The following ITPR1 variants were observed in gnomAD, a reference collection of about 807,000 sequenced individuals.
ITPR1 encodes inositol 1,4,5-trisphosphate-gated calcium channel ITPR1.
A neutral mutation model predicts 318.4 loss-of-function variants in ITPR1; 96 were observed. That is an observed-to-expected ratio of 0.30 (90% CI 0.26 to 0.36). The LOEUF is 0.36. Among genes scored for constraint, ITPR1 ranks in the 10% least tolerant of loss-of-function variants. ITPR1 has a pLI of 1.00. For missense variants in ITPR1, 2,440 were observed against 3,460.2 expected (o/e 0.71, Z 7.40); for synonymous variants, 1,312 against 1,289.9 (o/e 1.02, Z -0.37).
In ITPR1 at chr3:4,824,273, C is replaced by T. The variant is rs180725326; in HGVS notation, c.8028+6031C>T. On this transcript the variant is annotated intron_variant, in intron 60 of 61. Transcript: ENST00000649015. ...GAATAGCTCGTGTGTAATCAGTGTG[C>T]GGAAAATAAACACTGTATGTGCATG... Among the ~76,000 whole-genome samples the T allele has an allele frequency of 1.3e-3, 198 of 152,208 alleles. 5 individuals carry two copies. The South Asian group carries it at 0.037, about 29-fold the overall frequency.
At chr3:4,802,432 G>C (rs1457437927) in intron 54 of ITPR1, among the ~76,000 whole-genome samples, 1 of 152,202 alleles carries the variant, frequency 6.6e-6, no homozygotes, top group Non-Finnish European at 1.5e-5. Flanking sequence ...AGGCAAGGAG[G>C]CTTTTTAGGG....
At chr3:4,550,159 C>T (rs148346152) in intron 4 of ITPR1, among the ~76,000 whole-genome samples, 99 of 152,248 alleles carry the variant, frequency 6.5e-4, no homozygotes, top group African/African-American at 2.0e-3. Context: ...AAGCTATTCT[C>T]GGTGGGGTTA....
chr3:4,823,597 TA>T (rs944404814), intron 60 of ITPR1, among the ~76,000 whole-genome samples: 1 of 151,260 alleles, frequency 6.6e-6, no homozygotes, highest in Non-Finnish European at 1.5e-5. Flanking sequence ...ATGTGGGGGC[TA>T]AAAAAAACAA....
intron 61 of ITPR1, among the ~76,000 whole-genome samples, chr3:4,840,194 T>C (rs537724686): frequency 2.6e-5 from 4 of 152,164 alleles, no homozygotes; most frequent in Non-Finnish European, 4.4e-5. Context: ...AGTTTGGTTA[T>C]AGCAATCATA....
chr3:4,795,013 C>T (rs920959716), intron 52 of ITPR1, 52 bp from the exon 53 acceptor site: 7 of 1,516,558 alleles, frequency 4.6e-6, no homozygotes, highest in East Asian at 2.3e-5. Flanking sequence ...GCATTCCTGG[C>T]GTTCCGGCTT....
chr3:4,545,860 G>C (rs1400418129), intron 4 of ITPR1, among the ~76,000 whole-genome samples: 1 of 151,790 alleles, frequency 6.6e-6, no homozygotes, highest in Admixed American at 6.6e-5. Context: ...CCCATGCTTG[G>C]CTAATTTTTA....
At chr3:4,761,575 G>T (rs184138221) in intron 44 of ITPR1, among the ~76,000 whole-genome samples, 1 of 152,136 alleles carries the variant, frequency 6.6e-6, no homozygotes, top group Non-Finnish European at 1.5e-5. Flanking sequence ...TCCCAGTCTG[G>T]GCCAGGTTTA....
At chr3:4,768,435 T>A in intron 45 of ITPR1, 76 bp from the exon 46 acceptor site, 1 of 1,468,688 alleles carries the variant, frequency 6.8e-7, no homozygotes, top group East Asian at 2.3e-5. Context: ...TGTAGGTTTC[T>A]GAGTGTCACC....
chr3:4,832,597 T>C (rs919484356), intron 60 of ITPR1, among the ~76,000 whole-genome samples: 1 of 152,168 alleles, frequency 6.6e-6, no homozygotes, highest in Non-Finnish European at 1.5e-5. Context: ...ATGGCGCCAC[T>C]GCACTCCAGC....
At chr3:4,677,395 C>A (rs951227686) in intron 24 of ITPR1, among the ~76,000 whole-genome samples, 3 of 152,096 alleles carry the variant, frequency 2.0e-5, no homozygotes, top group African/African-American at 7.2e-5. Flanking sequence ...ACACTGAGGA[C>A]AGGGGGCTGG....
chr3:4,701,239 GT>G (rs1360555287), intron 35 of ITPR1, among the ~76,000 whole-genome samples: 4 of 152,194 alleles, frequency 2.6e-5, no homozygotes, highest in Non-Finnish European at 5.9e-5. Context: ...GGGCTGTTGG[GT>G]TCTCATCCCA....
chr3:4,846,009 G>A lies in ITPR1; in HGVS notation c.8191-130G>A, dbSNP rs187937218. 3.3e-4 allele frequency: 174 copies of A among 519,600 alleles called. No homozygotes were observed. The East Asian group carries it at 5.0e-3, about 15-fold the overall frequency. 32.2% of individuals were successfully genotyped at this position (519,600 alleles called of 1,614,324 possible). On this transcript the variant is annotated intron_variant, in intron 61 of 61. Coordinates refer to ENST00000649015, the MANE Select transcript of ITPR1 (RefSeq NM_001378452.1). ...TGAAGTGCTGTGTGTTTGATATAGC[G>A]ATGGTACACTATTTGTAGAAAGTGG...
intron 44 of ITPR1, among the ~76,000 whole-genome samples, chr3:4,765,013 G>A (rs1422389601): frequency 6.6e-6 from 1 of 151,788 alleles, no homozygotes; most frequent in African/African-American, 2.4e-5. Context: ...TGGGTGGATG[G>A]ATGAGTAGGT....
chr3:4,688,054 A>T (rs1035198281), intron 30 of ITPR1, among the ~76,000 whole-genome samples: 2 of 152,058 alleles, frequency 1.3e-5, no homozygotes, highest in African/African-American at 2.4e-5. Context: ...TACTTTTAAA[A>T]TTTTTATTAT....
intron 3 of ITPR1, among the ~76,000 whole-genome samples, chr3:4,518,478 C>A (rs983165218): frequency 2.6e-5 from 4 of 152,158 alleles, no homozygotes; most frequent in Admixed American, 6.5e-5. Context: ...TTCTCAGTTG[C>A]TTGCACATAT....
intron 46 of ITPR1, among the ~76,000 whole-genome samples, chr3:4,772,712 A>G (rs2046259539): frequency 6.6e-6 from 1 of 152,220 alleles, no homozygotes; most frequent in Non-Finnish European, 1.5e-5. Context: ...TCTAGCTTGG[A>G]CAAGGCAGGG....
At chr3:4,504,865 C>T (rs1481562361) in intron 2 of ITPR1, among the ~76,000 whole-genome samples, 3 of 152,164 alleles carry the variant, frequency 2.0e-5, no homozygotes, top group Admixed American at 6.5e-5. Flanking sequence ...GTGAGGGCAT[C>T]GCAGGGAGAC....
In ITPR1 at chr3:4,783,856, C is replaced by G; in HGVS notation, c.6551C>G (p.Pro2184Arg). 6.2e-7 allele frequency: 1 copy of G among 1,610,278 alleles called. No homozygotes were observed. The highest frequency in any genetic ancestry group is 8.5e-7 in the Non-Finnish European group (1 of 1,178,358). The change falls in exon 51 of 62, where the codon CCT becomes CGT. Residue 2184 changes from proline (P) to arginine (R), a missense_variant. By Grantham distance (103) the Pro-to-Arg change is moderately radical. Around this residue, in one of 23 missense-constraint regions of ITPR1, gnomAD observed 115 missense variants for 204.5 expected, o/e 0.56. Transcript: ENST00000649015. ...HNKELQSMLK[P>R]GGQVDGDEAL... ...AAAGAACTTCAGAGCATGCTGAAAC[C>G]TGGTGGCCAAGTGGACGGAGATGAA...
intron 22 of ITPR1, 65 bp from the exon 23 acceptor site, chr3:4,675,003 C>CA: frequency 1.2e-6 from 1 of 857,858 alleles, no homozygotes; most frequent in South Asian, 1.6e-5. Flanking sequence ...TGGTCAACAT[C>CA]AAATGGAATT....
Sources: gnomAD v4.1 joint callset for allele counts (sites outside exome capture counted in the v4.1 genomes callset) on GRCh38, gnomAD v4.1.1 for gene constraint, gnomAD v4.1.1 regional missense constraint, MANE v1.5 for transcripts, NCBI Gene and HGNC (gene_info 2026-07-23, HGNC 2026-07-21) for gene names.